PDE4D: variants seen among roughly 807,000 people sequenced by gnomAD.
PDE4D encodes 3',5'-cyclic-AMP phosphodiesterase 4D.
A neutral mutation model predicts 87.4 loss-of-function variants in PDE4D; 24 were observed. The observed-to-expected ratio is 0.27, with a 90% confidence interval of 0.20 to 0.39. The LOEUF is 0.39. Ranked by LOEUF, PDE4D falls within the 10% of genes least tolerant of loss-of-function variation. The probability of loss-of-function intolerance (pLI) is 1.00; values close to 1 mark genes in which losing one functional copy is unlikely to be tolerated. For missense variants in PDE4D, 714 were observed against 1,041.0 expected, an observed-to-expected ratio of 0.69 and a Z score of 4.32; for synonymous variants, 384 against 383.2, an observed-to-expected ratio of 1.00 and a Z score of -0.02.
At chr5:59,430,167 A>G (rs2153631332) in intron 1 of PDE4D, 1 of 805,610 alleles carries the variant, frequency 1.2e-6, no homozygotes, top group East Asian at 3.4e-5. Flanking sequence ...CCAACTATCC[A>G]GTGTGTTGAA....
At chr5:59,296,260 G>A (rs894927782) in intron 1 of PDE4D, among the ~76,000 whole-genome samples, 1 of 151,998 alleles carries the variant, frequency 6.6e-6, no homozygotes, top group South Asian at 2.1e-4. Flanking sequence ...TATTTTATAA[G>A]TTAATAGATA....
intron 5 of PDE4D, among the ~76,000 whole-genome samples, chr5:59,075,801 T>C (rs1286422107): frequency 6.6e-6 from 1 of 152,182 alleles, no homozygotes; most frequent in Non-Finnish European, 1.5e-5. Flanking sequence ...AAATATTCCT[T>C]ATAACTTACT....
intron 6 of PDE4D, chr5:58,999,697 C>T (rs1409527580): frequency 1.8e-6 from 2 of 1,083,124 alleles, no homozygotes; most frequent in Admixed American, 5.1e-5. Flanking sequence ...GAAAGCCTCG[C>T]ATTAAATCCC....
chr5:59,912,126 C>G (rs1753512238), intron 3 of PDE4D, among the ~76,000 whole-genome samples: 4 of 152,146 alleles, frequency 2.6e-5, no homozygotes, highest in Admixed American at 2.6e-4. Context: ...CATCAAAGGA[C>G]TGTGGTAAGG....
intron 1 of PDE4D, among the ~76,000 whole-genome samples, chr5:59,848,044 A>G (rs886203464): frequency 1.3e-5 from 2 of 152,076 alleles, no homozygotes; most frequent in African/African-American, 4.8e-5. Flanking sequence ...TATAAAGAGC[A>G]ATTCTTCAAA....
At chr5:60,511,265 A>T (rs969558142) in intron 1 of PDE4D, among the ~76,000 whole-genome samples, 3 of 152,114 alleles carry the variant, frequency 2.0e-5, no homozygotes, top group Non-Finnish European at 4.4e-5. Flanking sequence ...CACCATGCCC[A>T]GCCCTGCCAT....
At chr5:59,332,533 C>G (rs2153577509) in intron 1 of PDE4D, among the ~76,000 whole-genome samples, 1 of 152,256 alleles carries the variant, frequency 6.6e-6, no homozygotes, top group Non-Finnish European at 1.5e-5. Context: ...TAGTTCTTCT[C>G]CATTTTCCTG....
At chr5:59,722,797 G>C (rs1037844004) in intron 1 of PDE4D, among the ~76,000 whole-genome samples, 15 of 152,178 alleles carry the variant, frequency 9.9e-5, no homozygotes, top group African/African-American at 3.6e-4. Context: ...AATTTCACTT[G>C]AATCTAACTG....
At chr5:59,632,206 G>A (rs561591293) in intron 1 of PDE4D, among the ~76,000 whole-genome samples, 1 of 152,324 alleles carries the variant, frequency 6.6e-6, no homozygotes, top group African/African-American at 2.4e-5. Context: ...CTTCCTGTCT[G>A]AGCAGGGTAT....
intron 1 of PDE4D, among the ~76,000 whole-genome samples, chr5:60,278,498 T>A (rs1170646085): frequency 6.6e-6 from 1 of 152,168 alleles, no homozygotes; most frequent in East Asian, 1.9e-4. Context: ...TCCCTCTTTC[T>A]CGTCTCTTTC....
rs115654533 is a variant in PDE4D at position 59,446,469 on chromosome 5, T to C, written c.456-230501A>G. Among the ~76,000 whole-genome samples, 1,147 of 152,336 alleles carry C rather than the reference T, an allele frequency of 7.5e-3. 20 individuals carry two copies. Among genetic ancestry groups the C allele is most frequent in the African/African-American group, 0.025 (1,035 of 41,578 alleles). ...GAAAACTGCCTCTTAATTTTATAGT[T>C]ACTTCTCATTTTGACTCAAAATAGC... On this transcript the variant is annotated intron_variant, in intron 1 of 14. Transcript: ENST00000340635.
intron 1 of PDE4D, among the ~76,000 whole-genome samples, chr5:59,606,977 T>A (rs1828295459): frequency 6.6e-6 from 1 of 152,104 alleles, no homozygotes; most frequent in Non-Finnish European, 1.5e-5. Flanking sequence ...ACTGATTTCA[T>A]ATACCTTTGG....
intron 2 of PDE4D, among the ~76,000 whole-genome samples, chr5:60,066,847 A>T (rs1772156983): frequency 6.6e-6 from 1 of 152,024 alleles, no homozygotes; most frequent in Non-Finnish European, 1.5e-5. Context: ...TTATCTATTC[A>T]TATGTTTTTT....
chr5:59,501,115 A>T (rs917457987), intron 1 of PDE4D, among the ~76,000 whole-genome samples: 2 of 152,194 alleles, frequency 1.3e-5, no homozygotes, highest in African/African-American at 2.4e-5. Flanking sequence ...TTTAACAATA[A>T]CAAAATTATA....
chr5:59,290,928 T>A (rs1175952608), intron 1 of PDE4D, among the ~76,000 whole-genome samples: 1 of 151,846 alleles, frequency 6.6e-6, no homozygotes, highest in Non-Finnish European at 1.5e-5. Context: ...AGACAAATAA[T>A]AAGAAATGCT....
chr5:59,525,052 C>A (rs1298166083), intron 1 of PDE4D, among the ~76,000 whole-genome samples: 2 of 152,238 alleles, frequency 1.3e-5, no homozygotes, highest in Non-Finnish European at 2.9e-5. Flanking sequence ...AGCTCCCACA[C>A]AGAATTCCCA....
At chr5:59,152,763 C>T (rs899221126) in intron 5 of PDE4D, among the ~76,000 whole-genome samples, 1 of 152,082 alleles carries the variant, frequency 6.6e-6, no homozygotes, top group Non-Finnish European at 1.5e-5. Context: ...TTCCAAGTTT[C>T]TCTCCACAAC....
At chr5:58,997,091 G>A (rs1013618420) in intron 6 of PDE4D, among the ~76,000 whole-genome samples, 1 of 152,074 alleles carries the variant, frequency 6.6e-6, no homozygotes, top group African/African-American at 2.4e-5. Context: ...CTCTACTCTA[G>A]GAAGACGGTC....
chr5:59,041,550 T>C (rs1421223312), intron 5 of PDE4D, among the ~76,000 whole-genome samples: 1 of 152,226 alleles, frequency 6.6e-6, no homozygotes, highest in Non-Finnish European at 1.5e-5. Context: ...AGTTAGCCTA[T>C]CCAGTGGATT....
Sources: allele counts gnomAD v4.1 joint callset (sites outside exome capture counted in the v4.1 genomes callset), GRCh38; gene constraint gnomAD v4.1.1; transcripts MANE v1.5; gene names NCBI Gene and HGNC (gene_info 2026-07-23, HGNC 2026-07-21).